ACACA: variants seen among roughly 807,000 people sequenced by gnomAD.
The protein encoded by ACACA is acetyl-CoA carboxylase 1.
Under a neutral mutation model 296.1 loss-of-function variants are expected in ACACA, and 103 were observed. The observed-to-expected ratio is 0.35, with a 90% CI of 0.30 to 0.41. ACACA has a LOEUF of 0.41. ACACA is among the 10% of genes least tolerant of loss of function. ACACA has a pLI of 1.00. For synonymous variants in ACACA, 953 were observed against 1,038.6 expected (o/e 0.92, Z 1.58); for missense variants, 1,554 against 2,989.7 (o/e 0.52, Z 11.20).
In ACACA at chr17:37,235,218, T is replaced by C. The variant is rs1302543746; in HGVS notation, c.3122-119A>G. 3 of 1,287,480 alleles carry C rather than the reference T, an allele frequency of 2.3e-6. No individual in the cohort carries two copies. In the African/African-American group the frequency reaches 4.4e-5, roughly 19 times the overall value. 79.8% of individuals were successfully genotyped at this position (1,287,480 alleles called of 1,614,324 possible). On this transcript the variant is annotated intron_variant, in intron 24 of 55. Transcript: ENST00000616317. ...GCAGTGAGAAGAAACATCATAAGGA[T>C]TTTCTTGGATGGATTTGTACAGAAA...
intron 22 of ACACA, 51 bp downstream of exon 22, chr17:37,243,320 A>T: frequency 6.5e-7 from 1 of 1,540,254 alleles, no homozygotes; most frequent in Non-Finnish European, 9.0e-7. Flanking sequence ...CCTACAACAT[A>T]AACTCTGGCA....
rs2074051062 is a variant in ACACA at position 37,112,820 on chromosome 17, G to T, written c.6452+268C>A. On this transcript the variant is annotated intron_variant, in intron 51 of 55. Transcript: ENST00000616317. ...CAGACTATGAAAGGATGCCAGATTA[G>T]ATCTGTTTTATTTAGGTAGTTTCAG... Among the ~76,000 whole-genome samples the T allele has an allele frequency of 2.0e-5, 3 of 152,206 alleles. No individual in the cohort carries two copies. In the South Asian group the frequency reaches 6.2e-4, roughly 31 times the overall value.
chr17:37,280,613 T>C (rs1399738731), intron 5 of ACACA, among the ~76,000 whole-genome samples: 5 of 152,098 alleles, frequency 3.3e-5, no homozygotes, highest in African/African-American at 9.7e-5. Flanking sequence ...TCAAAATAAT[T>C]GTGCACGGGG....
chr17:37,242,136 G>T, intron 22 of ACACA, 83 bp from the exon 23 acceptor site: 2 of 1,048,924 alleles, frequency 1.9e-6, no homozygotes, highest in South Asian at 1.3e-5. Flanking sequence ...CGACCAGTAG[G>T]AATCTTCTTC....
chr17:37,392,473 C>CT (rs2050923725), intron 1 of ACACA: 3 of 152,214 alleles, frequency 2.0e-5, no homozygotes, highest in Admixed American at 1.3e-4. Flanking sequence ...ATCTAACCTG[C>CT]TTAAATAAGA....
Position 37,295,462 on chromosome 17 carries a change from A to T in ACACA, c.339-10492T>A, listed in dbSNP as rs529362708. Among the ~76,000 whole-genome samples the T allele has an allele frequency of 4.6e-5, 7 of 152,318 alleles. No individual in the cohort carries two copies. In the South Asian group the frequency reaches 1.5e-3, roughly 32 times the overall value. On this transcript the variant is annotated intron_variant, in intron 3 of 55. Transcript: ENST00000616317. ...AAACACACAAACAAAGCAGGGAAAG[A>T]ATAAAGCAACAAAAGCAGAGACTTA...
intron 45 of ACACA, among the ~76,000 whole-genome samples, chr17:37,142,699 T>C (rs1335671140): frequency 1.3e-5 from 2 of 152,196 alleles, no homozygotes; most frequent in East Asian, 1.9e-4. Context: ...CAACGAGTCC[T>C]TGGGGACTCT....
At chr17:37,173,979 AATTTATATATATATATATATAT>A (rs2076972770) in intron 41 of ACACA, among the ~76,000 whole-genome samples, 7 of 41,870 alleles carry the variant, frequency 1.7e-4, no homozygotes, top group African/African-American at 5.5e-4. Context: ...ACGCCTGGCT[AATTTATATATATATATATATAT>A]ATATATATAT....
chr17:37,306,361 G>A (rs2146952037), intron 3 of ACACA, among the ~76,000 whole-genome samples: 1 of 152,144 alleles, frequency 6.6e-6, no homozygotes, highest in South Asian at 2.1e-4. Context: ...GCTATACCTG[G>A]AAGTCCTCCC....
chr17:37,107,846 A>C (rs995974711), intron 52 of ACACA, among the ~76,000 whole-genome samples: 4 of 152,176 alleles, frequency 2.6e-5, no homozygotes, highest in African/African-American at 9.7e-5. Context: ...ACACAAGAGG[A>C]GGGGAAGGAT....
chr17:37,295,400 G>A (rs2083279410), intron 3 of ACACA, among the ~76,000 whole-genome samples: 1 of 152,224 alleles, frequency 6.6e-6, no homozygotes, highest in African/African-American at 2.4e-5. Flanking sequence ...AGTGGAGGCT[G>A]TACAAGTTCT....
rs1446317654 is a variant in ACACA, at chr17:37,097,285, G to T, written c.6721-119C>A. On this transcript the variant is annotated intron_variant, in intron 53 of 55. Coordinates refer to ENST00000616317, the MANE Select transcript of ACACA (RefSeq NM_198834.3). The surrounding 1 kb of genome is among the most constrained non-coding windows in gnomAD (Gnocchi z 4.8). ...AGGCAAGCCCTTCACAGACCCAAGA[G>T]CTGGCTGTAAACTCCTAGCACTTCC... The T allele has an allele frequency of 1.7e-6, 2 of 1,206,980 alleles. No homozygotes were observed. The highest frequency in any genetic ancestry group is 1.5e-5 in the African/African-American group (1 of 66,516). 74.8% of individuals were successfully genotyped at this position (1,206,980 alleles called of 1,614,324 possible). A position where few individuals can be genotyped will look rare whatever the true frequency, so the allele number is the denominator to read the frequency against.
chr17:37,374,036 GCTTT>G (rs1269851044), intron 1 of ACACA, among the ~76,000 whole-genome samples: 1 of 152,092 alleles, frequency 6.6e-6, no homozygotes, highest in Non-Finnish European at 1.5e-5. Flanking sequence ...TCATTTCTCT[GCTTT>G]CTTTCTCATA....
At chr17:37,257,024 C>T (rs1200160996) in intron 14 of ACACA, among the ~76,000 whole-genome samples, 1 of 152,036 alleles carries the variant, frequency 6.6e-6, no homozygotes, top group Non-Finnish European at 1.5e-5. Flanking sequence ...AAATTACCTC[C>T]TTCAGCCCTA....
chr17:37,154,716 T>C (rs890578764), intron 43 of ACACA, among the ~76,000 whole-genome samples: 3 of 152,076 alleles, frequency 2.0e-5, no homozygotes, highest in Admixed American at 6.6e-5. Context: ...AGGCTGGTCT[T>C]GCACTCCTGA....
intron 1 of ACACA, chr17:37,365,775 CAATG>C (rs2049584498): frequency 3.1e-6 from 3 of 977,288 alleles, no homozygotes; most frequent in Non-Finnish European, 3.6e-6. Flanking sequence ...TAGAATTGCA[CAATG>C]AAGGACAGCA....
chr17:37,175,186 A>G (rs1245072229), intron 41 of ACACA, among the ~76,000 whole-genome samples: 1 of 152,242 alleles, frequency 6.6e-6, no homozygotes, highest in African/African-American at 2.4e-5. Flanking sequence ...GAAATAAAAT[A>G]AAAGAATGCT....
At chr17:37,338,222 G>A (rs567084957) in intron 2 of ACACA, among the ~76,000 whole-genome samples, 200 of 138,630 alleles carry the variant, frequency 1.4e-3, no homozygotes, top group Non-Finnish European at 2.4e-3. Context: ...GCGAGACTCC[G>A]TCTCAAAAAA....
intron 45 of ACACA, among the ~76,000 whole-genome samples, chr17:37,138,965 G>A (rs146238843): frequency 7.2e-5 from 11 of 152,224 alleles, no homozygotes; most frequent in African/African-American, 1.7e-4. Context: ...GGAGGAGTAC[G>A]GGAATTTTTT....
Sources: allele counts gnomAD v4.1 joint callset (sites outside exome capture counted in the v4.1 genomes callset), GRCh38; gene constraint gnomAD v4.1.1; non-coding constraint Gnocchi (gnomAD v3.1); transcripts MANE v1.5; gene names NCBI Gene and HGNC (gene_info 2026-07-23, HGNC 2026-07-21).